The following NLGN1 variants were observed in gnomAD, a reference collection of about 807,000 sequenced individuals.
The protein encoded by NLGN1 is neuroligin-1.
Under a neutral mutation model 65.5 loss-of-function variants are expected in NLGN1, and 12 were observed. The ratio of observed to expected loss-of-function variants is 0.18; its 90% CI spans 0.12 to 0.30. The LOEUF is 0.30. Among genes scored for constraint, NLGN1 ranks in the 10% least tolerant of loss-of-function variants. The pLI is 1.00. For missense variants in NLGN1, 750 were observed against 1,007.1 expected, an observed-to-expected ratio of 0.74 and a Z score of 3.46; for synonymous variants, 350 against 359.5, an observed-to-expected ratio of 0.97 and a Z score of 0.30.
chr3:173,641,374 C>T (rs1348092950), intron 3 of NLGN1, among the ~76,000 whole-genome samples: 1 of 152,114 alleles, frequency 6.6e-6, no homozygotes, highest in Non-Finnish European at 1.5e-5. Context: ...AGTGAAGTGG[C>T]ACGATCTCGG....
intron 4 of NLGN1, among the ~76,000 whole-genome samples, chr3:174,169,466 G>C (rs918389204): frequency 6.6e-6 from 1 of 151,604 alleles, no homozygotes; most frequent in African/African-American, 2.4e-5. Context: ...AGGGTGAGGT[G>C]GTTCAGGCTG....
chr3:173,789,197 C>CA lies in NLGN1; in HGVS notation c.494-18473dup, dbSNP rs201049756. 5.2e-3 allele frequency among the ~76,000 whole-genome samples: 644 copies of CA among 122,844 alleles called. 1 individual carries two copies. The highest frequency in any genetic ancestry group is 0.012 in the East Asian group (51 of 4,410). 80.6% of individuals were successfully genotyped at this position (122,844 alleles called of 152,430 possible). On this transcript the variant is annotated intron_variant, in intron 3 of 6. Coordinates refer to ENST00000457714, the Ensembl canonical transcript of NLGN1. ...CTGGATGACAGAGTGAGAGTCCATC[C>CA]AAAAAAAAAAGAAAGAGAGAGAGAG... is the stretch of plus-strand genomic sequence containing the variant.
At chr3:174,041,307 A>C (rs1732254391) in intron 4 of NLGN1, among the ~76,000 whole-genome samples, 1 of 152,152 alleles carries the variant, frequency 6.6e-6, no homozygotes, top group South Asian at 2.1e-4. Context: ...TGTTGTCAAT[A>C]TGTTAGTATT....
At chr3:174,092,043 A>T (rs1339213311) in intron 4 of NLGN1, among the ~76,000 whole-genome samples, 1 of 152,218 alleles carries the variant, frequency 6.6e-6, no homozygotes. Context: ...AATTACTATT[A>T]CAAATAAAAG....
intron 4 of NLGN1, among the ~76,000 whole-genome samples, chr3:173,966,032 C>T (rs765357811): frequency 2.6e-5 from 4 of 152,104 alleles, no homozygotes; most frequent in Non-Finnish European, 5.9e-5. Flanking sequence ...TTTTGTATAG[C>T]TCATTGGTAT....
intron 4 of NLGN1, among the ~76,000 whole-genome samples, chr3:174,067,148 A>T (rs538374664): frequency 1.3e-5 from 2 of 152,276 alleles, no homozygotes; most frequent in East Asian, 3.9e-4. Flanking sequence ...TAGTTATATG[A>T]TACTATGTTG....
chr3:173,948,018 G>A (rs1007548213), intron 4 of NLGN1, among the ~76,000 whole-genome samples: 4 of 152,182 alleles, frequency 2.6e-5, no homozygotes, highest in Non-Finnish European at 1.5e-5. Context: ...CCTGATATTT[G>A]GCTTCAAGTG....
At chr3:173,984,703 T>G (rs745732080) in intron 4 of NLGN1, among the ~76,000 whole-genome samples, 11 of 152,224 alleles carry the variant, frequency 7.2e-5, no homozygotes, top group Non-Finnish European at 1.5e-4. Context: ...TGAGAAGTGC[T>G]GAACTAGATT....
At chr3:173,591,171 T>TACACACC (rs1343279371) in intron 2 of NLGN1, among the ~76,000 whole-genome samples, 1 of 152,196 alleles carries the variant, frequency 6.6e-6, no homozygotes, top group Non-Finnish European at 1.5e-5. Context: ...GCAACCTATA[T>TACACACC]TCCATGTGTA....
intron 4 of NLGN1, among the ~76,000 whole-genome samples, chr3:173,893,639 T>C (rs1213588895): frequency 6.6e-6 from 1 of 152,198 alleles, no homozygotes; most frequent in Non-Finnish European, 1.5e-5. Flanking sequence ...CTTCACCTTG[T>C]GTCTATCACT....
At chr3:173,985,960 A>T (rs1414719544) in intron 4 of NLGN1, among the ~76,000 whole-genome samples, 1 of 151,712 alleles carries the variant, frequency 6.6e-6, no homozygotes, top group Non-Finnish European at 1.5e-5. Context: ...AAAAACAAAA[A>T]CAATTTAAAA....
chr3:173,593,754 C>T (rs1748955216), intron 2 of NLGN1, among the ~76,000 whole-genome samples: 1 of 152,106 alleles, frequency 6.6e-6, no homozygotes, highest in African/African-American at 2.4e-5. Flanking sequence ...AAGACACACC[C>T]AAGACTGGGA....
chr3:173,706,536 A>G (rs1216088205), intron 3 of NLGN1, among the ~76,000 whole-genome samples: 2 of 152,172 alleles, frequency 1.3e-5, no homozygotes, highest in African/African-American at 4.8e-5. Context: ...TCCACATCCC[A>G]CAGTAGCATT....
intron 3 of NLGN1, among the ~76,000 whole-genome samples, chr3:173,746,707 T>G (rs1377208637): frequency 6.6e-6 from 1 of 152,056 alleles, no homozygotes; most frequent in Admixed American, 6.6e-5. Context: ...AGATCTGTCC[T>G]TGTCACCAGA....
chr3:173,736,776 A>T (rs1345374765), intron 3 of NLGN1, among the ~76,000 whole-genome samples: 1 of 152,102 alleles, frequency 6.6e-6, no homozygotes, highest in East Asian at 1.9e-4. Context: ...TATGATTATG[A>T]CTTCAAAGTA....
At chr3:173,712,170 T>C (rs913504678) in intron 3 of NLGN1, among the ~76,000 whole-genome samples, 5 of 150,442 alleles carry the variant, frequency 3.3e-5, no homozygotes, top group African/African-American at 9.7e-5. Flanking sequence ...TGAGTGTTTT[T>C]ATTCTGCAGT....
intron 4 of NLGN1, among the ~76,000 whole-genome samples, chr3:174,201,006 G>A (rs1308531642): frequency 6.6e-6 from 1 of 152,134 alleles, no homozygotes; most frequent in East Asian, 1.9e-4. Context: ...GAATGCCGAG[G>A]TAGGTGAATT....
At chr3:173,527,648 C>T (rs1041491761) in intron 2 of NLGN1, among the ~76,000 whole-genome samples, 2 of 152,180 alleles carry the variant, frequency 1.3e-5, no homozygotes, top group African/African-American at 2.4e-5. Context: ...CTGCCCGCCT[C>T]GGCCTCCCAA....
intron 1 of NLGN1, among the ~76,000 whole-genome samples, chr3:173,405,385 T>C (rs553570008): frequency 5.9e-5 from 9 of 152,136 alleles, no homozygotes; most frequent in South Asian, 2.1e-4. Context: ...CCAACAATTT[T>C]CACATATATA....
Sources: gnomAD v4.1 joint callset for allele counts (sites outside exome capture counted in the v4.1 genomes callset) on GRCh38, gnomAD v4.1.1 for gene constraint, MANE v1.5 for transcripts, NCBI Gene and HGNC (gene_info 2026-07-23, HGNC 2026-07-21) for gene names.